ST3GAL1: variants seen among roughly 807,000 people sequenced by gnomAD.
The protein encoded by ST3GAL1 is ST3 beta-galactoside alpha-2,3-sialyltransferase 1, also known as CMP-N-acetylneuraminate-beta-galactosamide-alpha-2,3-sialyltransferase 1.
Under a neutral mutation model 34.1 loss-of-function variants are expected in ST3GAL1, and 16 were observed. The observed-to-expected ratio is 0.47, with a 90% CI of 0.32 to 0.71. The LOEUF (loss-of-function observed/expected upper bound fraction) is 0.71, where lower values mean the gene tolerates loss of function less well. Ranked by LOEUF, ST3GAL1 falls within the 30% of genes least tolerant of loss-of-function variation. The pLI, the probability that ST3GAL1 is intolerant of heterozygous loss-of-function variation, is 0.04. For missense variants in ST3GAL1, 353 were observed against 447.4 expected (o/e 0.79, Z 1.90); for synonymous variants, 191 against 184.7 (o/e 1.03, Z -0.28).
intron 8 of ST3GAL1, 108 bp downstream of exon 8, chr8:133,463,306 C>T (rs1468103226): frequency 4.5e-5 from 56 of 1,255,478 alleles, no homozygotes; most frequent in African/African-American, 1.2e-4. Context: ...CTACCTCCAG[C>T]GGCCTGGGGA....
intron 1 of ST3GAL1, among the ~76,000 whole-genome samples, chr8:133,546,352 G>A (rs932734198): frequency 7.2e-5 from 11 of 151,900 alleles, no homozygotes; most frequent in African/African-American, 1.5e-4. Context: ...GCATGGTGGC[G>A]CACACCTGTA....
intron 8 of ST3GAL1, among the ~76,000 whole-genome samples, chr8:133,462,283 G>A (rs1172984032): frequency 6.6e-6 from 1 of 152,188 alleles, no homozygotes; most frequent in Non-Finnish European, 1.5e-5. Context: ...AATCCAAGGA[G>A]GCCAGGGAGT....
rs145673420 is a variant in ST3GAL1, at chr8:133,466,081, G to T, written c.316C>A (p.Arg106=). 8 of 1,611,494 alleles carry T rather than the reference G, an allele frequency of 5.0e-6. No individual in the cohort carries two copies. In the Admixed American group the frequency reaches 1.0e-4, roughly 20 times the overall value. The part of the protein sequence containing the change: ...DTYRWWLRLQ[R]EKKPNNLNDT... ...TTCAAGTTATTGGGCTTCTTCTCCC[G>T]CTGGAGCCTCTGTGGGCGGAGGACA... Residue 106 remains arginine, a synonymous_variant, in exon 6 of 10, where the codon CGG becomes AGG. Coordinates refer to ENST00000522652, the MANE Select transcript of ST3GAL1 (RefSeq NM_173344.3). This position sits in a 1 kb window ranked among gnomAD's most constrained non-coding sequence, Gnocchi z 4.4.
chr8:133,492,404 G>A (rs1342706538), intron 3 of ST3GAL1, among the ~76,000 whole-genome samples: 1 of 152,186 alleles, frequency 6.6e-6, no homozygotes, highest in Non-Finnish European at 1.5e-5. Context: ...GCTTTACCAA[G>A]GGGTGGTATG....
At chr8:133,523,229 A>T (rs187436364) in intron 2 of ST3GAL1, among the ~76,000 whole-genome samples, 17 of 152,198 alleles carry the variant, frequency 1.1e-4, no homozygotes, top group Non-Finnish European at 1.6e-4. Flanking sequence ...CTAATCTCCC[A>T]AACACCACAG....
intron 2 of ST3GAL1, among the ~76,000 whole-genome samples, chr8:133,521,248 C>T (rs1210719191): frequency 6.6e-6 from 1 of 151,256 alleles, no homozygotes; most frequent in Non-Finnish European, 1.5e-5. Context: ...ATTTTCCTGC[C>T]TCAGCCTCCC....
At chr8:133,523,214 G>GA (rs1817863120) in intron 2 of ST3GAL1, among the ~76,000 whole-genome samples, 1 of 152,064 alleles carries the variant, frequency 6.6e-6, no homozygotes, top group African/African-American at 2.4e-5. Flanking sequence ...TTCTGTGGGG[G>GA]GTTGCTAATC....
At chr8:133,496,882 C>T (rs1428005602) in intron 3 of ST3GAL1, among the ~76,000 whole-genome samples, 7 of 152,234 alleles carry the variant, frequency 4.6e-5, no homozygotes. Flanking sequence ...CCCAGGAGCC[C>T]TTCTTTTTTA....
chr8:133,532,695 G>C (rs1818192324), intron 2 of ST3GAL1, among the ~76,000 whole-genome samples: 1 of 152,170 alleles, frequency 6.6e-6, no homozygotes, highest in South Asian at 2.1e-4. Context: ...ATACTCTGCT[G>C]TTCCTCAGTA....
rs145873165 is a variant in ST3GAL1 at position 133,537,424 on chromosome 8, G to C, written c.-429+8350C>G. On this transcript the variant is annotated intron_variant, in intron 2 of 9. Transcript: ENST00000522652. ...AGTCAGGGAAAGATTAGAGTCCTGT[G>C]TTAGGGCAGGGGAAGGAAGGCAGGA... Among the ~76,000 whole-genome samples, 1,136 of 152,302 alleles carry C rather than the reference G, an allele frequency of 7.5e-3. 20 individuals carry two copies. The highest frequency in any genetic ancestry group is 0.026 in the African/African-American group (1,080 of 41,566).
chr8:133,548,057 G>T (rs1290126539), intron 1 of ST3GAL1, among the ~76,000 whole-genome samples: 2 of 152,172 alleles, frequency 1.3e-5, no homozygotes, highest in East Asian at 3.8e-4. Flanking sequence ...GCTGATGGGG[G>T]CAGGATGTTT....
chr8:133,566,737 A>G (rs1819412962), intron 1 of ST3GAL1, among the ~76,000 whole-genome samples: 1 of 152,236 alleles, frequency 6.6e-6, no homozygotes, highest in Non-Finnish European at 1.5e-5. Flanking sequence ...TTAAAAATAA[A>G]GCACTAAGTT....
chr8:133,525,295 C>T (rs1042426372), intron 2 of ST3GAL1, among the ~76,000 whole-genome samples: 3 of 152,212 alleles, frequency 2.0e-5, no homozygotes, highest in Non-Finnish European at 4.4e-5. Flanking sequence ...CAAGGAGACC[C>T]AGAGTGGGTA....
In ST3GAL1 at chr8:133,467,009, C is replaced by A. The variant is rs1815761446; in HGVS notation, c.307-919G>T. ...ACTTGGGAGGCTGAAGTGGGAGAAT[C>A]TCTTGAACCCGGAAGGCGGAGGTTG... On this transcript the variant is annotated intron_variant, in intron 5 of 9. Coordinates refer to ENST00000522652, the MANE Select transcript of ST3GAL1 (RefSeq NM_173344.3). The surrounding 1 kb of genome is among the most constrained non-coding windows in gnomAD (Gnocchi z 4.2). Among the ~76,000 whole-genome samples the A allele has an allele frequency of 6.6e-6, 1 of 151,606 alleles. No individual in the cohort carries two copies. Among genetic ancestry groups the A allele is most frequent in the Non-Finnish European group, 1.5e-5 (1 of 67,972 alleles).
At chr8:133,521,669 T>C (rs879766071) in intron 2 of ST3GAL1, among the ~76,000 whole-genome samples, 21 of 152,244 alleles carry the variant, frequency 1.4e-4, no homozygotes, top group Non-Finnish European at 2.5e-4. Flanking sequence ...AATTATTAAT[T>C]AAACCATGAT....
At chr8:133,471,858 G>C (rs982931706) in intron 5 of ST3GAL1, among the ~76,000 whole-genome samples, 2 of 152,148 alleles carry the variant, frequency 1.3e-5, no homozygotes, top group Middle Eastern at 6.8e-3. Context: ...GTCTGGGATG[G>C]GAAGATGCCT....
intron 6 of ST3GAL1, 32 bp from the exon 7 acceptor site, chr8:133,464,989 T>C (rs767908305): frequency 6.0e-5 from 96 of 1,591,430 alleles, no homozygotes; most frequent in Non-Finnish European, 8.2e-5. Context: ...CTGAGTCTTG[T>C]AGCACGGGCA....
intron 6 of ST3GAL1, 44 bp from the exon 7 acceptor site, chr8:133,465,001 C>T (rs987293757): frequency 5.1e-6 from 8 of 1,573,478 alleles, no homozygotes; most frequent in Non-Finnish European, 6.9e-6. Flanking sequence ...GCACGGGCAC[C>T]CGTTCTCAGA....
intron 3 of ST3GAL1, among the ~76,000 whole-genome samples, chr8:133,484,772 AC>A (rs1816517685): frequency 6.6e-6 from 1 of 151,806 alleles, no homozygotes; most frequent in East Asian, 1.9e-4. Context: ...TAAAAAGCCC[AC>A]CCCGCCCCAG....
Sources: gnomAD v4.1 joint callset for allele counts (sites outside exome capture counted in the v4.1 genomes callset) on GRCh38, gnomAD v4.1.1 for gene constraint, Gnocchi (gnomAD v3.1) non-coding constraint, MANE v1.5 for transcripts, NCBI Gene and HGNC (gene_info 2026-07-23, HGNC 2026-07-21) for gene names.